STX2: variants seen among roughly 807,000 people sequenced by gnomAD.
The protein encoded by STX2 is syntaxin 2, also known as syntaxin-2.
A neutral mutation model predicts 40.6 loss-of-function variants in STX2; 27 were observed. That is an observed-to-expected ratio of 0.66 (90% CI 0.49 to 0.92). The LOEUF (loss-of-function observed/expected upper bound fraction) is 0.92. Ranked by LOEUF, STX2 falls within the 40% of genes least tolerant of loss-of-function variation. STX2 has a pLI of 0.00. For missense variants in STX2, 328 were observed against 366.1 expected (o/e 0.90, Z 0.85); for synonymous variants, 123 against 119.1 (o/e 1.03, Z -0.22).
At chr12:130,834,924 C>T (rs375134789) in intron 1 of STX2, among the ~76,000 whole-genome samples, 3 of 152,218 alleles carry the variant, frequency 2.0e-5, no homozygotes, top group Non-Finnish European at 4.4e-5. Flanking sequence ...TTCTGCACTA[C>T]GTGGACAAAC....
At chr12:130,835,396 T>A (rs2136369987) in intron 1 of STX2, among the ~76,000 whole-genome samples, 1 of 152,376 alleles carries the variant, frequency 6.6e-6, no homozygotes, top group South Asian at 2.1e-4. Context: ...TACTGTGTAT[T>A]TATTGTTTAT....
At chr12:130,811,755 A>T (rs1951666615) in intron 4 of STX2, among the ~76,000 whole-genome samples, 1 of 151,984 alleles carries the variant, frequency 6.6e-6, no homozygotes, top group African/African-American at 2.4e-5. Context: ...TAGCCAGGAT[A>T]AGTCTCGATC....
At chr12:130,830,531 GA>G (rs1952520659) in intron 1 of STX2, among the ~76,000 whole-genome samples, 1 of 152,196 alleles carries the variant, frequency 6.6e-6, no homozygotes, top group Admixed American at 6.5e-5. Context: ...TGTAGACCAG[GA>G]AAGATCCACA....
At chr12:130,799,743 G>A (rs183276057) in intron 8 of STX2, among the ~76,000 whole-genome samples, 1 of 151,434 alleles carries the variant, frequency 6.6e-6, no homozygotes, top group East Asian at 1.9e-4. Context: ...GAGCCCAGGA[G>A]GCAGAGGTTG....
rs11061157 is a variant in STX2 at position 130,834,141 on chromosome 12, T to G, written c.30+4929A>C. Among the ~76,000 whole-genome samples the G allele has an allele frequency of 1.9e-4, 29 of 152,170 alleles. 1 individual carries two copies. The highest frequency in any genetic ancestry group is 6.3e-4 in the African/African-American group (26 of 41,552). On this transcript the variant is annotated intron_variant, in intron 1 of 10. Coordinates refer to ENST00000392373, the MANE Select transcript of STX2 (RefSeq NM_194356.4). Reference sequence around the variant, plus strand: ...GCTCACGCCTGTAATCCCAGCACTTTGGGAGGCCGAGGCGGGTGGATCACC... The same window carrying G: ...GCTCACGCCTGTAATCCCAGCACTTGGGGAGGCCGAGGCGGGTGGATCACC...
intron 1 of STX2, among the ~76,000 whole-genome samples, chr12:130,838,652 G>C (rs75082074): frequency 0.022 from 3,403 of 152,322 alleles, 130 homozygotes; most frequent in African/African-American, 0.077. Context: ...GCCAGCTGCG[G>C]GGACCCCGTG....
chr12:130,827,475 G>A (rs10848210), intron 1 of STX2, among the ~76,000 whole-genome samples: 84,837 of 152,108 alleles, frequency 0.56, 26,246 homozygotes, highest in East Asian at 0.87. Flanking sequence ...GCCAGAAGGT[G>A]GAAGACCTGG....
At chr12:130,800,584 C>A (rs1951188512) in intron 8 of STX2, among the ~76,000 whole-genome samples, 1 of 152,232 alleles carries the variant, frequency 6.6e-6, no homozygotes, top group Admixed American at 6.5e-5. Flanking sequence ...TGTATCCCCA[C>A]TTGGGGTTGA....
At chr12:130,792,385 C>T (rs923144997) in intron 10 of STX2, among the ~76,000 whole-genome samples, 11 of 152,174 alleles carry the variant, frequency 7.2e-5, no homozygotes, top group African/African-American at 2.7e-4. Context: ...CATAATAAAA[C>T]TCCAGGATTG....
intron 3 of STX2, 85 bp downstream of exon 3, chr12:130,821,604 G>T: frequency 9.1e-7 from 1 of 1,101,778 alleles, no homozygotes; most frequent in Non-Finnish European, 1.4e-6. Flanking sequence ...AATCTCCCGT[G>T]AGGCCAGAGT....
chr12:130,799,155 G>A (rs773246917), intron 8 of STX2, among the ~76,000 whole-genome samples: 5 of 152,202 alleles, frequency 3.3e-5, no homozygotes, highest in Admixed American at 6.5e-5. Flanking sequence ...GTGTGAGGGA[G>A]GTAACGTATT....
chr12:130,793,835 A>G (rs1950949006), intron 10 of STX2, among the ~76,000 whole-genome samples: 1 of 152,240 alleles, frequency 6.6e-6, no homozygotes, highest in Admixed American at 6.5e-5. Context: ...TAATATTTTA[A>G]AAGTGAAGTT....
At chr12:130,804,512 G>T (rs1951352685) in intron 6 of STX2, among the ~76,000 whole-genome samples, 1 of 152,148 alleles carries the variant, frequency 6.6e-6, no homozygotes, top group South Asian at 2.1e-4. Flanking sequence ...AGAAGACAGG[G>T]CCGGCTGCAC....
In STX2 at chr12:130,798,705, A is replaced by G. The variant is rs57619359; in HGVS notation, c.676-70T>C. On this transcript the variant is annotated intron_variant, in intron 8 of 10. Transcript: ENST00000392373. The stretch of plus-strand genomic sequence containing the variant: ...TTAATCATGTATCTTTAAGACAACC[A>G]TAGAACAAAGGTTTTATATAAACAC... 9.8e-4 allele frequency: 1,209 copies of G among 1,233,898 alleles called. 8 individuals carry two copies. The African/African-American group carries it at 0.017, about 17-fold the overall frequency. The allele number at this position is 1,233,898 out of a possible 1,614,324, so 76.4% of individuals were successfully genotyped here.
At chr12:130,801,100 G>T (rs113122485) in intron 8 of STX2, 53 bp downstream of exon 8, 2 of 1,562,378 alleles carry the variant, frequency 1.3e-6, no homozygotes, top group Non-Finnish European at 8.7e-7. Flanking sequence ...GATGCAGTAA[G>T]ATTTTACACA....
intron 10 of STX2, among the ~76,000 whole-genome samples, chr12:130,792,270 A>G (rs889795434): frequency 1.3e-5 from 2 of 152,180 alleles, no homozygotes; most frequent in Non-Finnish European, 2.9e-5. Context: ...CATGTTGGCC[A>G]GGATAGTCTC....
intron 3 of STX2, among the ~76,000 whole-genome samples, chr12:130,818,973 C>T (rs1248039117): frequency 6.6e-6 from 1 of 152,210 alleles, no homozygotes; most frequent in Non-Finnish European, 1.5e-5. Flanking sequence ...TTTGCAAAGA[C>T]GCTCTTTTAA....
chr12:130,818,508 G>A (rs909484832), intron 3 of STX2, among the ~76,000 whole-genome samples: 16 of 152,110 alleles, frequency 1.1e-4, no homozygotes, highest in Non-Finnish European at 2.1e-4. Flanking sequence ...GCCACACAGG[G>A]ATAACCGGTG....
chr12:130,810,251 A>G (rs1325365756), intron 4 of STX2, among the ~76,000 whole-genome samples: 1 of 152,242 alleles, frequency 6.6e-6, no homozygotes, highest in Non-Finnish European at 1.5e-5. Context: ...GAAAGGAAAT[A>G]AAGATGTAAT....
Sources: gnomAD v4.1 joint callset for allele counts (sites outside exome capture counted in the v4.1 genomes callset) on GRCh38, gnomAD v4.1.1 for gene constraint, MANE v1.5 for transcripts, NCBI Gene and HGNC (gene_info 2026-07-23, HGNC 2026-07-21) for gene names.